The following ZNF502 variants were observed in gnomAD, a reference collection of about 807,000 sequenced individuals.
ZNF502 encodes the protein zinc finger protein 502.
A neutral mutation model predicts 43.6 loss-of-function variants in ZNF502; 29 were observed. The observed-to-expected ratio is 0.67, with a 90% confidence interval of 0.50 to 0.91. The LOEUF is 0.91. ZNF502 is among the 40% of genes least tolerant of loss of function. The pLI is 0.00. For missense variants in ZNF502, 591 were observed against 647.2 expected, an observed-to-expected ratio of 0.91 and a Z score of 0.94; for synonymous variants, 171 against 207.4, an observed-to-expected ratio of 0.82 and a Z score of 1.51.
chr3:44,718,502 A>G (rs963338403), intron 1 of ZNF502, among the ~76,000 whole-genome samples: 1 of 152,184 alleles, frequency 6.6e-6, no homozygotes, highest in African/African-American at 2.4e-5. Flanking sequence ...AAAGTCCTTA[A>G]AATGTTTTTT....
intron 1 of ZNF502, among the ~76,000 whole-genome samples, chr3:44,719,641 T>C (rs971958089): frequency 2.0e-5 from 3 of 152,234 alleles, no homozygotes; most frequent in Non-Finnish European, 2.9e-5. Context: ...CACTGAGCTA[T>C]ACCTGAAGAA....
chr3:44,717,252 A>G (rs1208360890), intron 1 of ZNF502, among the ~76,000 whole-genome samples: 1 of 151,982 alleles, frequency 6.6e-6, no homozygotes, highest in Non-Finnish European at 1.5e-5. Context: ...TTTATGAATT[A>G]TCTATCTTTT....
In ZNF502 at chr3:44,722,272, C is replaced by A. The variant is rs752356510; in HGVS notation, c.1455C>A (p.His485Gln). ...SSSLTEHHRT[H>Q]TGEKLYKCSE... is the part of the protein sequence containing the mutation. ...CTCTTACTGAACATCATAGAACTCA[C>A]ACTGGTGAGAAGCTCTATAAATGTA... Residue 485 changes from histidine to glutamine, a missense_variant, in exon 3 of 3, where the codon CAC (histidine) becomes CAA (glutamine). Coordinates refer to ENST00000436624, the MANE Select transcript of ZNF502 (RefSeq NM_001134442.3). 1.9e-6 allele frequency: 3 copies of A among 1,614,110 alleles called. No individual in the cohort carries two copies. The highest frequency in any genetic ancestry group is 1.7e-5 in the Admixed American group (1 of 60,008).
intron 1 of ZNF502, among the ~76,000 whole-genome samples, chr3:44,719,992 G>A (rs1314407075): frequency 1.3e-5 from 2 of 152,188 alleles, no homozygotes; most frequent in Non-Finnish European, 2.9e-5. Context: ...TTAGTCTGAT[G>A]TTACCACTTC....
At chr3:44,719,363 A>G (rs1478618784) in intron 1 of ZNF502, among the ~76,000 whole-genome samples, 1 of 152,196 alleles carries the variant, frequency 6.6e-6, no homozygotes, top group Non-Finnish European at 1.5e-5. Context: ...ACTTGAGCAG[A>G]CTTATTTTAT....
chr3:44,715,807 A>G (rs184881524), intron 1 of ZNF502, among the ~76,000 whole-genome samples: 53 of 152,320 alleles, frequency 3.5e-4, no homozygotes, highest in Admixed American at 2.7e-3. Context: ...CCCATGTTCA[A>G]GTGATCCTTC....
At chr3:44,719,861 A>T (rs991512906) in intron 1 of ZNF502, among the ~76,000 whole-genome samples, 12 of 152,246 alleles carry the variant, frequency 7.9e-5, no homozygotes, top group African/African-American at 2.9e-4. Context: ...AGATTATTGT[A>T]TGATGGCCAG....
chr3:44,716,685 C>A (rs560943028), intron 1 of ZNF502, among the ~76,000 whole-genome samples: 1 of 152,258 alleles, frequency 6.6e-6, no homozygotes, highest in Non-Finnish European at 1.5e-5. Flanking sequence ...TACCAACTTA[C>A]ATTCGCACCG....
rs536276034 is a variant in ZNF502 at position 44,723,367 on chromosome 3, G to A, written c.*915G>A. The A allele has an allele frequency of 2.0e-5, 3 of 152,244 alleles. No individual in the cohort carries two copies. Among genetic ancestry groups the A allele is most frequent in the African/African-American group, 4.8e-5 (2 of 41,464 alleles). The allele number at this position is 152,244 out of a possible 1,614,324, so 9.4% of individuals were successfully genotyped here. ...GTACTAAGGTGTACACCTGTCTATTGTAAGTTTGCCTAGGCTGTTGGTGTA... is the reference window on the plus strand; with the variant it reads ...GTACTAAGGTGTACACCTGTCTATTATAAGTTTGCCTAGGCTGTTGGTGTA... On this transcript the variant is annotated 3_prime_UTR_variant, in exon 3 of 3. Transcript: ENST00000436624.
At position 44,721,540 on chromosome 3, in the gene ZNF502, C is replaced by T; in HGVS notation, c.723C>T (p.Cys241=). The T allele has an allele frequency of 6.2e-7, 1 of 1,607,518 alleles. No homozygotes were observed. Among genetic ancestry groups the T allele is most frequent in the African/African-American group, 1.3e-5 (1 of 74,922 alleles). Reference sequence around the variant, plus strand: ...ACACTGGAGAGAAACCTTATAAATGCAATGAATGTGGGAATTCCTTCCGCA... The same window carrying T: ...ACACTGGAGAGAAACCTTATAAATGTAATGAATGTGGGAATTCCTTCCGCA... The part of the protein sequence containing the change: ...RIHTGEKPYK[C]NECGNSFRNH... The change falls in exon 3 of 3, where the codon TGC becomes TGT. Residue 241 remains cysteine (C), a synonymous_variant. Transcript: ENST00000436624.
intron 1 of ZNF502, among the ~76,000 whole-genome samples, chr3:44,718,975 CT>C (rs55847151): frequency 0.59 from 80,276 of 136,770 alleles, 23,226 homozygotes; most frequent in East Asian, 0.87. Context: ...GGATCATCTT[CT>C]TTTTTTTTTT....
rs549583358 is a variant in ZNF502, at chr3:44,723,172, T to C, written c.*720T>C. 3 of 152,280 alleles carry C rather than the reference T, an allele frequency of 2.0e-5. No individual in the cohort carries two copies. In the East Asian group the frequency reaches 5.8e-4, roughly 29 times the overall value. The allele number at this position is 152,280 out of a possible 1,614,324, so 9.4% of individuals were successfully genotyped here. A position where few individuals can be genotyped will look rare whatever the true frequency, so the allele number is the denominator to read the frequency against. On this transcript the variant is annotated 3_prime_UTR_variant, in exon 3 of 3. Coordinates refer to ENST00000436624, the MANE Select transcript of ZNF502 (RefSeq NM_001134442.3). ...AAATAGGAGACCAAGTTAGAATTCA[T>C]GATACTGGTTTATGGGGAGGCAGTC...
Position 44,720,315 on chromosome 3 carries a change from A to G in ZNF502, c.54A>G (p.Pro18=), listed in dbSNP as rs780660713. 3 of 1,614,056 alleles carry G rather than the reference A, an allele frequency of 1.9e-6. No individual in the cohort carries two copies. The highest frequency in any genetic ancestry group is 2.2e-5 in the East Asian group (1 of 44,880). Residue 18 remains proline (P), a splice_region_variant and synonymous_variant, in exon 2 of 3, where the codon CCA becomes CCG. Transcript: ENST00000436624. ...GAGACATTAGAAGAGAGACTTGTCC[A>G]GGTGAGTGAGCAAGGGACAAGCAGT... ...EERDIRRETC[P]GWVNKNKPAL...
intron 1 of ZNF502, among the ~76,000 whole-genome samples, chr3:44,719,524 A>C (rs1200439870): frequency 1.3e-5 from 2 of 152,250 alleles, no homozygotes; most frequent in Admixed American, 6.5e-5. Context: ...TATTTTTAAG[A>C]AGCAGCATTT....
In ZNF502 at chr3:44,721,300, A is replaced by AAAAACCT. The variant is rs1704322269; in HGVS notation, c.484_490dup (p.Phe164Ter). 2 of 1,614,162 alleles carry AAAAACCT rather than the reference A, an allele frequency of 1.2e-6. No homozygotes were observed. Among genetic ancestry groups the AAAAACCT allele is most frequent in the Non-Finnish European group, 1.7e-6 (2 of 1,180,010 alleles). ...AATCTTGGAAATGTAATGAATGTGGAAAAACCTTTACTCAGAGCTCATCCC... is the reference window on the plus strand; with the variant it reads ...AATCTTGGAAATGTAATGAATGTGGAAAAACCTAAAACCTTTACTCAGAGCTCATCCC... On this transcript the variant is annotated frameshift_variant, in exon 3 of 3. Transcript: ENST00000436624. LOFTEE classifies it high-confidence loss of function.
Position 44,721,831 on chromosome 3 carries a change from C to T in ZNF502, c.1014C>T (p.Leu338=), listed in dbSNP as rs1312529948. The T allele has an allele frequency of 5.0e-6, 8 of 1,614,028 alleles. No homozygotes were observed. Among genetic ancestry groups the T allele is most frequent in the African/African-American group, 1.3e-5 (1 of 74,942 alleles). ...AAACTTTCCAAACAAAGGCAAACCTCTCTCAGCATCAGAGAATTCATAGTG... is the reference window on the plus strand; with the variant it reads ...AAACTTTCCAAACAAAGGCAAACCTTTCTCAGCATCAGAGAATTCATAGTG... ...CGKTFQTKAN[L]SQHQRIHSGE... The change falls in exon 3 of 3, where the codon CTC becomes CTT. Residue 338 remains leucine, a synonymous_variant. Coordinates refer to ENST00000436624, the MANE Select transcript of ZNF502 (RefSeq NM_001134442.3).
chr3:44,715,785 C>T (rs779755343), intron 1 of ZNF502, among the ~76,000 whole-genome samples: 13 of 152,268 alleles, frequency 8.5e-5, no homozygotes, highest in Non-Finnish European at 1.6e-4. Context: ...CAGCTCACTG[C>T]GACCTCTACC....
chr3:44,720,994 T>C lies in ZNF502; in HGVS notation c.177T>C (p.Tyr59=), dbSNP rs758400540. Residue 59 remains tyrosine (Y), a synonymous_variant, in exon 3 of 3, where the codon TAT becomes TAC. Coordinates refer to ENST00000436624, the MANE Select transcript of ZNF502 (RefSeq NM_001134442.3). ...EYQDSTFEEK[Y]ACEGMKENSP... is the part of the protein sequence containing the mutation. The stretch of plus-strand genomic sequence containing the variant: ...AAGATTCTACATTTGAAGAAAAATA[T>C]GCATGTGAGGGCATGAAGGAAAACT... 1.9e-6 allele frequency: 3 copies of C among 1,614,044 alleles called. No homozygotes were observed. Among genetic ancestry groups the C allele is most frequent in the Admixed American group, 3.3e-5 (2 of 59,998 alleles).
chr3:44,713,544 C>T (rs540385543), intron 1 of ZNF502, among the ~76,000 whole-genome samples: 3 of 152,150 alleles, frequency 2.0e-5, no homozygotes, highest in Admixed American at 6.5e-5. Context: ...ATCTTCACAA[C>T]AGCGTATTGC....
Sources: allele counts gnomAD v4.1 joint callset (sites outside exome capture counted in the v4.1 genomes callset), GRCh38; gene constraint gnomAD v4.1.1; transcripts MANE v1.5; gene names NCBI Gene and HGNC (gene_info 2026-07-23, HGNC 2026-07-21).